The following TSHZ3 variants were observed in gnomAD, a reference collection of about 807,000 sequenced individuals.
TSHZ3 encodes the protein teashirt homolog 3.
Under a neutral mutation model 64.5 loss-of-function variants are expected in TSHZ3, and 10 were observed. That is an observed-to-expected ratio of 0.16 (90% CI 0.10 to 0.26). The LOEUF is 0.26. Among genes scored for constraint, TSHZ3 ranks in the 10% least tolerant of loss-of-function variants. The probability of loss-of-function intolerance (pLI) is 1.00; values close to 1 mark genes in which losing one functional copy is unlikely to be tolerated. For missense variants in TSHZ3, 1,242 were observed against 1,421.7 expected (o/e 0.87, Z 2.03); for synonymous variants, 608 against 593.1 (o/e 1.03, Z -0.36).
intron 1 of TSHZ3, among the ~76,000 whole-genome samples, chr19:31,326,046 A>G (rs1916920880): frequency 6.6e-6 from 1 of 152,220 alleles, no homozygotes; most frequent in Non-Finnish European, 1.5e-5. Context: ...TCACATATAT[A>G]CCCATCATTC....
chr19:31,277,358 G>A lies in TSHZ3; in HGVS notation c.2435C>T (p.Ser812Phe). Residue 812 changes from serine (S) to phenylalanine (F), a missense_variant, in exon 2 of 2, where the codon TCC (serine) becomes TTC (phenylalanine). Physicochemically the swap from Ser to Phe is radical, Grantham distance 155. Coordinates refer to ENST00000240587, the MANE Select transcript of TSHZ3 (RefSeq NM_020856.4). This position sits in a 1 kb window ranked among gnomAD's most constrained non-coding sequence, Gnocchi z 4.5. ...SLGSVLLSPT[S>F]TAPATSSSTV... ...GGATGAGGAGGTTGCCGGGGCTGTGGACGTGGGTGACAGAAGCACTGAACC... is the reference window on the plus strand; with the variant it reads ...GGATGAGGAGGTTGCCGGGGCTGTGAACGTGGGTGACAGAAGCACTGAACC... The A allele has an allele frequency of 6.2e-7, 1 of 1,614,126 alleles. No individual in the cohort carries two copies. The highest frequency in any genetic ancestry group is 8.5e-7 in the Non-Finnish European group (1 of 1,179,948).
intron 5 of TSHZ3, among the ~76,000 whole-genome samples, chr19:31,175,539 G>A (rs1178856251): frequency 1.3e-5 from 2 of 152,194 alleles, no homozygotes; most frequent in East Asian, 3.9e-4. Context: ...GTAGAGTTGA[G>A]CCATGTGTTC....
In TSHZ3 at chr19:31,343,812, CAG is replaced by C. The variant is rs767495906; in HGVS notation, c.40+5366_40+5367del. ...TTTTTTTTTAAAGAAAATCCAGAAA[CAG>C]GGGAAAAATATTGATAGCCATTGTT... On this transcript the variant is annotated intron_variant, in intron 1 of 1. Transcript: ENST00000240587. 1.3e-3 allele frequency among the ~76,000 whole-genome samples: 194 copies of C among 147,938 alleles called. 1 individual carries two copies. The highest frequency in any genetic ancestry group is 5.8e-3 in the East Asian group (29 of 5,012).
chr19:31,167,601 G>A (rs1974473151), intron 5 of TSHZ3: 1 of 152,232 alleles, frequency 6.6e-6, no homozygotes, highest in African/African-American at 2.4e-5. Context: ...TAAAAAGGGG[G>A]TAGAAAGGAA....
At chr19:31,309,389 C>CA (rs35282562) in intron 1 of TSHZ3, among the ~76,000 whole-genome samples, 30 of 149,908 alleles carry the variant, frequency 2.0e-4, no homozygotes, top group Admixed American at 4.0e-4. Context: ...ATATCTTCTG[C>CA]AAAAAAAAAA....
chr19:31,251,027 C>T (rs1975833691), intron 1 of TSHZ3, among the ~76,000 whole-genome samples: 1 of 152,122 alleles, frequency 6.6e-6, no homozygotes, highest in African/African-American at 2.4e-5. Flanking sequence ...GTAGAGCCTG[C>T]TTTGCCACCA....
chr19:31,276,397 G>T lies in TSHZ3; in HGVS notation c.*150C>A. 1 of 726,832 alleles carries T rather than the reference G, an allele frequency of 1.4e-6. No homozygotes were observed. The highest frequency in any genetic ancestry group is 2.2e-6 in the Non-Finnish European group (1 of 445,906). 45.0% of individuals were successfully genotyped at this position (726,832 alleles called of 1,614,324 possible). A position where few individuals can be genotyped will look rare whatever the true frequency, so the allele number is the denominator to read the frequency against. On this transcript the variant is annotated 3_prime_UTR_variant, in exon 2 of 2. Transcript: ENST00000240587. ...TGATTATGCACCTCTATTAAACACT[G>T]TACAGTTATACAAAACAGTCCAGCC...
chr19:31,266,547 G>A (rs559518890), intron 1 of TSHZ3, among the ~76,000 whole-genome samples: 4 of 152,116 alleles, frequency 2.6e-5, no homozygotes, highest in African/African-American at 7.2e-5. Context: ...ATTCACCTAC[G>A]AGCCCATTAA....
chr19:31,188,217 C>T (rs1196138605), intron 5 of TSHZ3, among the ~76,000 whole-genome samples: 3 of 151,288 alleles, frequency 2.0e-5, no homozygotes, highest in African/African-American at 7.3e-5. Flanking sequence ...AAATGATTTT[C>T]CAGAATTGAT....
chr19:31,174,133 C>T lies in TSHZ3; in HGVS notation n.810-17716G>A, dbSNP rs746926906. On this transcript the variant is annotated intron_variant and non_coding_transcript_variant, in intron 5 of 6. Coordinates refer to the TSHZ3 transcript ENST00000651361. ...GTGACTATGGTGGCTTAGAAGTCCCCAGACATGCAGTCAGCAAAGGGGAAG... is the reference window on the plus strand; with the variant it reads ...GTGACTATGGTGGCTTAGAAGTCCCTAGACATGCAGTCAGCAAAGGGGAAG... 1.9e-4 allele frequency among the ~76,000 whole-genome samples: 29 copies of T among 152,210 alleles called. 1 individual carries two copies. Among genetic ancestry groups the T allele is most frequent in the Admixed American group, 4.6e-4 (7 of 15,284 alleles).
intron 1 of TSHZ3, among the ~76,000 whole-genome samples, chr19:31,253,426 A>G (rs923873576): frequency 1.3e-5 from 2 of 152,234 alleles, no homozygotes; most frequent in Middle Eastern, 3.2e-3. Flanking sequence ...CTGAACGCCC[A>G]AAGTTGCATC....
At chr19:31,194,542 AG>A (rs1974957674) in intron 5 of TSHZ3, among the ~76,000 whole-genome samples, 1 of 152,218 alleles carries the variant, frequency 6.6e-6, no homozygotes. Context: ...GTCCAGAAGC[AG>A]AGGCTCATTA....
At chr19:31,190,362 C>T (rs1228165431) in intron 5 of TSHZ3, among the ~76,000 whole-genome samples, 1 of 152,132 alleles carries the variant, frequency 6.6e-6, no homozygotes, top group Non-Finnish European at 1.5e-5. Flanking sequence ...ATATATAGCA[C>T]TGGGAGTCAT....
chr19:31,297,446 C>G (rs535098924), intron 1 of TSHZ3, among the ~76,000 whole-genome samples: 37 of 152,120 alleles, frequency 2.4e-4, no homozygotes, highest in Admixed American at 9.2e-4. Context: ...TTCCTAAGAA[C>G]TGCAGAAAGT....
chr19:31,254,261 G>A (rs1023282564), intron 1 of TSHZ3, among the ~76,000 whole-genome samples: 1 of 152,204 alleles, frequency 6.6e-6, no homozygotes, highest in Non-Finnish European at 1.5e-5. Context: ...GGTCATGCCT[G>A]GTTAGGGATG....
At chr19:31,297,250 G>A (rs1268204253) in intron 1 of TSHZ3, among the ~76,000 whole-genome samples, 1 of 152,160 alleles carries the variant, frequency 6.6e-6, no homozygotes, top group African/African-American at 2.4e-5. Flanking sequence ...TGCGGATCAC[G>A]TCGCCAGCAT....
intron 5 of TSHZ3, among the ~76,000 whole-genome samples, chr19:31,194,270 C>T (rs1240423414): frequency 6.6e-6 from 1 of 152,188 alleles, no homozygotes; most frequent in African/African-American, 2.4e-5. Flanking sequence ...GGTTCCCACA[C>T]TGAATACTGG....
intron 4 of TSHZ3, among the ~76,000 whole-genome samples, chr19:31,219,838 A>G (rs954680590): frequency 4.0e-5 from 6 of 149,956 alleles, no homozygotes; most frequent in African/African-American, 1.5e-4. Context: ...ATGTATATTC[A>G]AAATGTATAC....
At chr19:31,181,494 G>T (rs1974713816) in intron 5 of TSHZ3, among the ~76,000 whole-genome samples, 1 of 152,134 alleles carries the variant, frequency 6.6e-6, no homozygotes. Flanking sequence ...TCTGTGGCTG[G>T]GTCAGAGGAG....
Sources: gnomAD v4.1 joint callset for allele counts (sites outside exome capture counted in the v4.1 genomes callset) on GRCh38, gnomAD v4.1.1 for gene constraint, Gnocchi (gnomAD v3.1) non-coding constraint, MANE v1.5 for transcripts, NCBI Gene and HGNC (gene_info 2026-07-23, HGNC 2026-07-21) for gene names.